CNTNAP4: variants seen among roughly 807,000 people sequenced by gnomAD.
The protein encoded by CNTNAP4 is contactin associated protein family member 4, also known as contactin-associated protein-like 4.
In CNTNAP4, 98 loss-of-function variants were observed where a neutral mutation model predicts 148.4. The observed-to-expected ratio is 0.66, with a 90% CI of 0.56 to 0.78. The LOEUF (loss-of-function observed/expected upper bound fraction) is 0.78. CNTNAP4 is among the 30% of genes least tolerant of loss of function. CNTNAP4 has a pLI of 0.00. For missense variants in CNTNAP4, 1,935 were observed against 1,565.6 expected, an observed-to-expected ratio of 1.24 and a Z score of -3.98; for synonymous variants, 730 against 565.1, an observed-to-expected ratio of 1.29 and a Z score of -4.14.
intron 3 of CNTNAP4, among the ~76,000 whole-genome samples, chr16:76,421,850 A>G (rs1418453861): frequency 1.3e-5 from 2 of 152,080 alleles, no homozygotes; most frequent in Non-Finnish European, 2.9e-5. Context: ...CTTTATTTGG[A>G]TGGAGCTGGA....
intron 3 of CNTNAP4, among the ~76,000 whole-genome samples, chr16:76,380,903 T>C (rs1261044369): frequency 6.6e-6 from 1 of 152,180 alleles, no homozygotes; most frequent in Non-Finnish European, 1.5e-5. Context: ...TTATGACCTA[T>C]CATGAACTCA....
chr16:76,320,223 T>C (rs1962260383), intron 2 of CNTNAP4, among the ~76,000 whole-genome samples: 1 of 152,216 alleles, frequency 6.6e-6, no homozygotes. Flanking sequence ...TGTGTTCTAA[T>C]GCTGGGTAAA....
At chr16:76,469,742 G>C (rs2081299306) in intron 10 of CNTNAP4, 1 of 152,176 alleles carries the variant, frequency 6.6e-6, no homozygotes, top group African/African-American at 2.4e-5. Flanking sequence ...TTCAGAAATA[G>C]TTAGCAAATT....
At chr16:76,450,881 A>G (rs547030093) in intron 7 of CNTNAP4, among the ~76,000 whole-genome samples, 7 of 152,228 alleles carry the variant, frequency 4.6e-5, no homozygotes, top group Non-Finnish European at 1.0e-4. Flanking sequence ...CAGAGGAACT[A>G]AAAAATGAAT....
intron 3 of CNTNAP4, among the ~76,000 whole-genome samples, chr16:76,360,184 T>C (rs1363223580): frequency 6.6e-6 from 1 of 152,208 alleles, no homozygotes; most frequent in Non-Finnish European, 1.5e-5. Flanking sequence ...TCTAGTGTCA[T>C]GGTTCTGGGT....
At chr16:76,492,664 C>T (rs1457124046) in intron 13 of CNTNAP4, among the ~76,000 whole-genome samples, 1 of 152,128 alleles carries the variant, frequency 6.6e-6, no homozygotes, top group Non-Finnish European at 1.5e-5. Flanking sequence ...GTTCTCATGG[C>T]AGTGAATAAG....
chr16:76,385,573 TGTGTAGAG>T (rs1402361858), intron 3 of CNTNAP4, among the ~76,000 whole-genome samples: 3 of 150,542 alleles, frequency 2.0e-5, no homozygotes, highest in African/African-American at 7.3e-5. Flanking sequence ...TGTGTGTGTG[TGTGTAGAG>T]AGAGTGAGTT....
At chr16:76,541,701 A>T (rs1004022416) in intron 21 of CNTNAP4, among the ~76,000 whole-genome samples, 2 of 152,192 alleles carry the variant, frequency 1.3e-5, no homozygotes, top group Admixed American at 1.3e-4. Context: ...CCATAGGTGA[A>T]TGATCAAAAT....
rs537477358 is a variant in CNTNAP4, at chr16:76,487,091, C to T, written c.1883-2595C>T. 2.6e-5 allele frequency among the ~76,000 whole-genome samples: 4 copies of T among 152,208 alleles called. No homozygotes were observed. The East Asian group carries it at 5.8e-4, about 22-fold the overall frequency. On this transcript the variant is annotated intron_variant, in intron 12 of 23. Transcript: ENST00000611870. The stretch of plus-strand genomic sequence containing the variant: ...TTGCAAGTGGGATAACATCTCAGGG[C>T]CCAGCACAGTTTCAGATTTAACATT...
intron 8 of CNTNAP4, among the ~76,000 whole-genome samples, chr16:76,455,731 T>A (rs1312557288): frequency 6.6e-6 from 1 of 152,246 alleles, no homozygotes; most frequent in Non-Finnish European, 1.5e-5. Flanking sequence ...CTTTGGTTTT[T>A]CCCTGAGGAA....
At chr16:76,548,244 A>G (rs2084815815) in intron 21 of CNTNAP4, among the ~76,000 whole-genome samples, 1 of 147,864 alleles carries the variant, frequency 6.8e-6, no homozygotes, top group Non-Finnish European at 1.5e-5. Context: ...TGCATAAAAT[A>G]GTAAGAGTGC....
intron 15 of CNTNAP4, among the ~76,000 whole-genome samples, chr16:76,503,254 C>T (rs2082720219): frequency 6.6e-6 from 1 of 152,034 alleles, no homozygotes; most frequent in African/African-American, 2.4e-5. Context: ...ACTCATGGTC[C>T]TAGCACATGT....
At chr16:76,517,800 C>T (rs538104977) in intron 15 of CNTNAP4, among the ~76,000 whole-genome samples, 210 of 152,178 alleles carry the variant, frequency 1.4e-3, no homozygotes, top group Non-Finnish European at 2.5e-3. Context: ...GAAACCTTAC[C>T]CCTCTGAGCC....
intron 3 of CNTNAP4, among the ~76,000 whole-genome samples, chr16:76,423,316 A>G (rs1181217898): frequency 6.6e-6 from 1 of 152,166 alleles, no homozygotes; most frequent in Non-Finnish European, 1.5e-5. Flanking sequence ...AGAGTGAAAC[A>G]AAGATCCAAA....
chr16:76,437,003 A>AT (rs2079857260), intron 4 of CNTNAP4, among the ~76,000 whole-genome samples: 2 of 151,918 alleles, frequency 1.3e-5, no homozygotes, highest in Admixed American at 6.6e-5. Context: ...CTAGGAGTTT[A>AT]TTAAGGAGTA....
chr16:76,549,847 A>G (rs1323728792), intron 21 of CNTNAP4, among the ~76,000 whole-genome samples: 1 of 152,200 alleles, frequency 6.6e-6, no homozygotes, highest in Non-Finnish European at 1.5e-5. Context: ...CCTAATGTGA[A>G]AAATTGGCAT....
At chr16:76,345,214 C>G (rs1471279788) in intron 2 of CNTNAP4, among the ~76,000 whole-genome samples, 1 of 152,082 alleles carries the variant, frequency 6.6e-6, no homozygotes, top group African/African-American at 2.4e-5. Context: ...TGAGTATTGC[C>G]ACTTATCAGG....
At chr16:76,353,888 A>G (rs543664263) in intron 2 of CNTNAP4, among the ~76,000 whole-genome samples, 13 of 152,332 alleles carry the variant, frequency 8.5e-5, no homozygotes, top group African/African-American at 1.4e-4. Context: ...AGGTCCTACA[A>G]TGGCATACGC....
At chr16:76,442,952 T>C (rs1568186690) in intron 4 of CNTNAP4, among the ~76,000 whole-genome samples, 3 of 152,050 alleles carry the variant, frequency 2.0e-5, no homozygotes, top group Admixed American at 2.0e-4. Flanking sequence ...ACATGAAATA[T>C]ATATTATTAG....
Sources: allele counts gnomAD v4.1 joint callset (sites outside exome capture counted in the v4.1 genomes callset), GRCh38; gene constraint gnomAD v4.1.1; transcripts MANE v1.5; gene names NCBI Gene and HGNC (gene_info 2026-07-23, HGNC 2026-07-21).